Variants in LRP1B observed in about 807,000 individuals in gnomAD.
LRP1B encodes the protein low-density lipoprotein receptor-related protein 1B.
LRP1B carries 217 observed loss-of-function variants against 556.6 expected under a neutral mutation model. The observed-to-expected ratio is 0.39, with a 90% confidence interval of 0.35 to 0.44. The LOEUF (loss-of-function observed/expected upper bound fraction) is 0.44, where lower values mean the gene tolerates loss of function less well. Ranked by LOEUF, LRP1B falls within the 20% of genes least tolerant of loss-of-function variation. The pLI, the probability that LRP1B is intolerant of heterozygous loss-of-function variation, is 1.00. For missense variants in LRP1B, 5,053 were observed against 5,620.8 expected (o/e 0.90, Z 3.23); for synonymous variants, 2,047 against 1,865.8 (o/e 1.10, Z -2.50).
intron 1 of LRP1B, among the ~76,000 whole-genome samples, chr2:141,853,109 A>G (rs1248022861): frequency 6.6e-6 from 1 of 151,750 alleles, no homozygotes; most frequent in Non-Finnish European, 1.5e-5. Context: ...TTAGCTACCC[A>G]TCCAAAAATT....
chr2:141,196,821 C>T (rs1681772976), intron 6 of LRP1B, among the ~76,000 whole-genome samples: 1 of 152,030 alleles, frequency 6.6e-6, no homozygotes. Context: ...TGGGGGCTTC[C>T]TTTTATTAGT....
At chr2:140,674,017 T>C (rs1256394418) in intron 41 of LRP1B, among the ~76,000 whole-genome samples, 1 of 151,512 alleles carries the variant, frequency 6.6e-6, no homozygotes, top group Non-Finnish European at 1.5e-5. Flanking sequence ...GGGGCAACTC[T>C]GGCTCACTGC....
chr2:140,861,068 T>G (rs2105140959), intron 27 of LRP1B, among the ~76,000 whole-genome samples: 1 of 152,204 alleles, frequency 6.6e-6, no homozygotes, highest in African/African-American at 2.4e-5. Flanking sequence ...TAACAAACAC[T>G]TTTAAAGTGC....
At chr2:142,127,368 A>ATCCATCCATCCG (rs1367799510) in intron 1 of LRP1B, among the ~76,000 whole-genome samples, 3 of 50,678 alleles carry the variant, frequency 5.9e-5, no homozygotes, top group African/African-American at 4.1e-4. Flanking sequence ...GTATGGCAGA[A>ATCCATCCATCCG]TCCATCCATC....
chr2:141,669,975 G>A (rs979628401), intron 2 of LRP1B, among the ~76,000 whole-genome samples: 2 of 152,072 alleles, frequency 1.3e-5, no homozygotes, highest in South Asian at 2.1e-4. Context: ...GGCTGGTCTC[G>A]AACTCCTGAC....
intron 32 of LRP1B, among the ~76,000 whole-genome samples, chr2:140,787,493 A>G (rs1689946404): frequency 6.6e-6 from 1 of 150,644 alleles, no homozygotes; most frequent in South Asian, 2.1e-4. Flanking sequence ...GAATCATATC[A>G]TAGCATTCAT....
chr2:141,563,566 T>C (rs1283386183), intron 2 of LRP1B, among the ~76,000 whole-genome samples: 5 of 151,878 alleles, frequency 3.3e-5, no homozygotes, highest in Non-Finnish European at 7.4e-5. Flanking sequence ...ATGCAAAAGA[T>C]TCAAGGAGTA....
At chr2:140,403,920 A>G (rs1684616504) in intron 66 of LRP1B, among the ~76,000 whole-genome samples, 1 of 152,170 alleles carries the variant, frequency 6.6e-6, no homozygotes, top group South Asian at 2.1e-4. Flanking sequence ...AACAGCAGAC[A>G]TCTCAGCAGA....
chr2:140,532,929 G>GATATATATATACATATATAT (rs1690765480), intron 47 of LRP1B, among the ~76,000 whole-genome samples: 2 of 50,410 alleles, frequency 4.0e-5, no homozygotes, highest in South Asian at 8.7e-4. Context: ...CACAGCACAA[G>GATATATATATACATATATAT]ATATATATAT....
At chr2:140,335,889 G>A (rs555237534) in intron 77 of LRP1B, 51 bp from the exon 78 acceptor site, 50 of 1,137,216 alleles carry the variant, frequency 4.4e-5, no homozygotes, top group Non-Finnish European at 5.7e-5. Context: ...GGAAATTAGC[G>A]GAGTTTTCTG....
intron 7 of LRP1B, among the ~76,000 whole-genome samples, chr2:141,160,409 T>C (rs1466211200): frequency 1.3e-5 from 2 of 152,134 alleles, no homozygotes; most frequent in Admixed American, 1.3e-4. Flanking sequence ...TAGGTATTTA[T>C]CCTAGAAAAA....
At chr2:140,748,488 A>T (rs1302688745) in intron 35 of LRP1B, among the ~76,000 whole-genome samples, 2 of 110,548 alleles carry the variant, frequency 1.8e-5, no homozygotes, top group Admixed American at 1.1e-4. Flanking sequence ...ATTCCTAGCA[A>T]TAATACTGTG....
Position 141,682,346 on chromosome 2 carries a change from A to G in LRP1B, c.205+127933T>C, listed in dbSNP as rs1361351799. The stretch of plus-strand genomic sequence containing the variant: ...GTCAGGAAAATTATAAGTAGATGGC[A>G]AAAAAAAAAAAGGATTTTTAGGAGA... On this transcript the variant is annotated intron_variant, in intron 2 of 90. Coordinates refer to ENST00000389484, the MANE Select transcript of LRP1B (RefSeq NM_018557.3). Among the ~76,000 whole-genome samples, 4 of 86,278 alleles carry G rather than the reference A, an allele frequency of 4.6e-5. No homozygotes were observed. The East Asian group carries it at 3.0e-3, about 64-fold the overall frequency. 56.6% of individuals were successfully genotyped at this position (86,278 alleles called of 152,430 possible). A position where few individuals can be genotyped will look rare whatever the true frequency, so the allele number is the denominator to read the frequency against.
chr2:141,891,774 C>A (rs1392135583), intron 1 of LRP1B, among the ~76,000 whole-genome samples: 1 of 152,034 alleles, frequency 6.6e-6, no homozygotes, highest in Admixed American at 6.6e-5. Flanking sequence ...TCTGCTATTC[C>A]TTCATATTAA....
At chr2:140,781,013 C>CAT (rs1317662789) in intron 32 of LRP1B, among the ~76,000 whole-genome samples, 1 of 152,138 alleles carries the variant, frequency 6.6e-6, no homozygotes, top group African/African-American at 2.4e-5. Context: ...AGTTCTGGAT[C>CAT]ATAGTTTTGG....
At chr2:140,791,448 A>G (rs1332453266) in intron 32 of LRP1B, among the ~76,000 whole-genome samples, 1 of 152,092 alleles carries the variant, frequency 6.6e-6, no homozygotes, top group Non-Finnish European at 1.5e-5. Context: ...TAAAAATTAA[A>G]TTAAATTAAA....
At chr2:141,587,809 C>T (rs1282651065) in intron 2 of LRP1B, among the ~76,000 whole-genome samples, 1 of 151,950 alleles carries the variant, frequency 6.6e-6, no homozygotes, top group Non-Finnish European at 1.5e-5. Flanking sequence ...CAAGAAAAAA[C>T]AGTGAAGAAA....
At chr2:140,291,262 TATCTC>T (rs1389287544) in intron 84 of LRP1B, among the ~76,000 whole-genome samples, 5 of 139,242 alleles carry the variant, frequency 3.6e-5, no homozygotes, top group African/African-American at 1.0e-4. Flanking sequence ...GATTTCTTCT[TATCTC>T]AGCTTAGATA....
intron 2 of LRP1B, among the ~76,000 whole-genome samples, chr2:141,667,628 A>G (rs1222649598): frequency 6.6e-6 from 1 of 152,206 alleles, no homozygotes; most frequent in East Asian, 1.9e-4. Context: ...GCTTTAGACC[A>G]TATATGTTCT....
Sources: allele counts gnomAD v4.1 joint callset (sites outside exome capture counted in the v4.1 genomes callset), GRCh38; gene constraint gnomAD v4.1.1; transcripts MANE v1.5; gene names NCBI Gene and HGNC (gene_info 2026-07-23, HGNC 2026-07-21).